SP3: variants seen among roughly 807,000 people sequenced by gnomAD.
The protein encoded by SP3 is transcription factor Sp3.
In SP3, 10 loss-of-function variants were observed where a neutral mutation model predicts 70.3. That is an observed-to-expected ratio of 0.14 (90% CI 0.09 to 0.24). The LOEUF is 0.24. SP3 is among the 10% of genes least tolerant of loss of function. The probability of loss-of-function intolerance (pLI) is 1.00; values close to 1 mark genes in which losing one functional copy is unlikely to be tolerated. For synonymous variants in SP3, 402 were observed against 333.5 expected (o/e 1.21, Z -2.24); for missense variants, 825 against 914.6 (o/e 0.90, Z 1.26).
chr2:173,955,482 C>G lies in SP3; in HGVS notation c.1030G>C (p.Asp344His). Reference sequence around the variant, plus strand: ...TTTTGTTGTAATATACCTGTACTATCTATCGTAACAGGCAACTGTGATGAA... The same window carrying G: ...TTTTGTTGTAATATACCTGTACTATGTATCGTAACAGGCAACTGTGATGAA... ...SSSSQLPVTIDSTGILQQNTN... is the reference protein window; with the variant it reads ...SSSSQLPVTIHSTGILQQNTN... The change falls in exon 4 of 7, where the codon GAT (aspartate) becomes CAT (histidine). Residue 344 changes from aspartate to histidine, a missense_variant. Transcript: ENST00000310015. 1 of 1,614,096 alleles carries G rather than the reference C, an allele frequency of 6.2e-7. No homozygotes were observed. The highest frequency in any genetic ancestry group is 8.5e-7 in the Non-Finnish European group (1 of 1,180,016).
At chr2:173,965,084 G>A in intron 1 of SP3, 81 bp downstream of exon 1, 2 of 1,527,800 alleles carry the variant, frequency 1.3e-6, no homozygotes, top group South Asian at 1.2e-5. Context: ...CGAGACCGGC[G>A]GCAGCGGCCC....
chr2:173,933,638 T>TATATATATA (rs71405167), intron 4 of SP3, among the ~76,000 whole-genome samples: 4 of 86,564 alleles, frequency 4.6e-5, no homozygotes, highest in African/African-American at 1.2e-4. Flanking sequence ...TTATAAAACT[T>TATATATATA]TATATATATA....
chr2:173,930,213 C>T (rs1194117295), intron 4 of SP3, among the ~76,000 whole-genome samples: 1 of 152,148 alleles, frequency 6.6e-6, no homozygotes, highest in Non-Finnish European at 1.5e-5. Flanking sequence ...CTGGATCCTA[C>T]CAAAAGGATG....
intron 3 of SP3, among the ~76,000 whole-genome samples, chr2:173,959,457 G>A (rs1690992507): frequency 1.3e-5 from 2 of 152,196 alleles, no homozygotes; most frequent in Non-Finnish European, 2.9e-5. Context: ...CAGGGCCGGT[G>A]GCTCACGCCT....
At chr2:173,925,580 A>G (rs148175674) in intron 4 of SP3, among the ~76,000 whole-genome samples, 1 of 152,160 alleles carries the variant, frequency 6.6e-6, no homozygotes, top group African/African-American at 2.4e-5. Flanking sequence ...GTTTTTTACA[A>G]TTTTTTTAAA....
intron 5 of SP3, 50 bp from the exon 6 acceptor site, chr2:173,913,316 G>C (rs1459163946): frequency 2.3e-6 from 3 of 1,285,794 alleles, no homozygotes; most frequent in Non-Finnish European, 3.1e-6. Flanking sequence ...ATATTCAAAT[G>C]GACATTACCA....
chr2:173,941,455 A>G (rs1690371268), intron 4 of SP3, among the ~76,000 whole-genome samples: 1 of 152,174 alleles, frequency 6.6e-6, no homozygotes, highest in African/African-American at 2.4e-5. Flanking sequence ...TAAAAATTAC[A>G]AAAAATTAGC....
Position 173,955,427 on chromosome 2 carries a change from T to A in SP3, c.1085A>T (p.Gln362Leu). Residue 362 changes from glutamine to leucine, a missense_variant, in exon 4 of 7, where the codon CAG (glutamine) becomes CTG (leucine). Physicochemically the swap from Gln to Leu is moderately radical, Grantham distance 113. Around this residue, in one of 4 missense-constraint regions of SP3, gnomAD observed 678 missense variants for 651.6 expected, o/e 1.04. Coordinates refer to ENST00000310015, the MANE Select transcript of SP3 (RefSeq NM_003111.5). ...TCCCTGAAGATCTGAAGAATGAACC[T>A]GCCCACTAGATGTAGTCAAGCTATT... The part of the protein sequence containing the change: ...NTNSLTTSSG[Q>L]VHSSDLQGNY... The A allele has an allele frequency of 6.2e-7, 1 of 1,614,174 alleles. No homozygotes were observed. The highest frequency in any genetic ancestry group is 8.5e-7 in the Non-Finnish European group (1 of 1,180,030).
At position 173,903,886 on chromosome 2, in the gene SP3, T is replaced by C. The variant is rs956576665; in HGVS notation, c.*6055A>G. Among the ~76,000 whole-genome samples, 1 of 151,908 alleles carries C rather than the reference T, an allele frequency of 6.6e-6. No individual in the cohort carries two copies. Among genetic ancestry groups the C allele is most frequent in the Non-Finnish European group, 1.5e-5 (1 of 67,998 alleles). On this transcript the variant is annotated 3_prime_UTR_variant, in exon 7 of 7. Coordinates refer to ENST00000310015, the MANE Select transcript of SP3 (RefSeq NM_003111.5). The stretch of plus-strand genomic sequence containing the variant: ...CTGCCTTGTCTAAACCTGACTCACT[T>C]GGCAGGCAATAAACGTGACTTTTTG...
intron 4 of SP3, among the ~76,000 whole-genome samples, chr2:173,930,242 A>C (rs4972621): frequency 0.036 from 5,445 of 152,230 alleles, 163 homozygotes; most frequent in Admixed American, 0.1. Flanking sequence ...TTATCTACTC[A>C]AAAGCCTTTT....
intron 4 of SP3, among the ~76,000 whole-genome samples, chr2:173,925,196 C>G (rs1689876607): frequency 1.3e-5 from 2 of 152,208 alleles, no homozygotes; most frequent in Non-Finnish European, 2.9e-5. Flanking sequence ...CCACGCTCAG[C>G]CACATATGCT....
chr2:173,907,471 C>A lies in SP3; in HGVS notation c.*2470G>T, dbSNP rs997803912. The A allele has an allele frequency of 3.3e-5, 5 of 151,996 alleles. No individual in the cohort carries two copies. The highest frequency in any genetic ancestry group is 5.9e-5 in the Non-Finnish European group (4 of 67,938). The allele number at this position is 151,996 out of a possible 1,614,324, so 9.4% of individuals were successfully genotyped here. Reference sequence around the variant, plus strand: ...ACTTTGGTAAAAGTTCCAAAGTTCACTAATATATTCCTAGGGGGCACTAAA... The same window carrying A: ...ACTTTGGTAAAAGTTCCAAAGTTCAATAATATATTCCTAGGGGGCACTAAA... On this transcript the variant is annotated 3_prime_UTR_variant, in exon 7 of 7. Transcript: ENST00000310015.
chr2:173,921,796 T>A (rs150443021), intron 4 of SP3, among the ~76,000 whole-genome samples: 4 of 152,252 alleles, frequency 2.6e-5, no homozygotes, highest in African/African-American at 9.6e-5. Flanking sequence ...TAGGAGGTGA[T>A]TGGATCATGG....
intron 4 of SP3, among the ~76,000 whole-genome samples, chr2:173,919,355 G>A (rs1689688004): frequency 6.6e-6 from 1 of 152,172 alleles, no homozygotes; most frequent in South Asian, 2.1e-4. Context: ...AATTAATGTA[G>A]TAAGCCCTAA....
intron 4 of SP3, 78 bp downstream of exon 4, chr2:173,954,795 T>TA: frequency 7.5e-7 from 1 of 1,340,920 alleles, no homozygotes; most frequent in South Asian, 1.4e-5. Context: ...CTGATGCTGA[T>TA]AAATACCTAA....
rs1002585480 is a variant in SP3, at chr2:173,918,885, T to C, written c.1640-100A>G. The C allele has an allele frequency of 1.5e-5, 15 of 1,001,568 alleles. No individual in the cohort carries two copies. In the South Asian group the frequency reaches 2.2e-4, roughly 15 times the overall value. The allele number at this position is 1,001,568 out of a possible 1,614,324, so 62.0% of individuals were successfully genotyped here. A position where few individuals can be genotyped will look rare whatever the true frequency, so the allele number is the denominator to read the frequency against. On this transcript the variant is annotated intron_variant, in intron 4 of 6. Coordinates refer to ENST00000310015, the MANE Select transcript of SP3 (RefSeq NM_003111.5). ...CTTCTCCCAATGTTACAACTTTGCA[T>C]GCACTACTTCTCTTGCCTAGACTGT...
intron 2 of SP3, 37 bp from the exon 3 acceptor site, chr2:173,963,920 G>A (rs765766686): frequency 1.9e-5 from 27 of 1,398,254 alleles, no homozygotes; most frequent in Admixed American, 1.3e-4. Flanking sequence ...GGGAGACAGG[G>A]GGAGGGGGTG....
chr2:173,919,456 T>A (rs1275521439), intron 4 of SP3, among the ~76,000 whole-genome samples: 2 of 152,200 alleles, frequency 1.3e-5, no homozygotes, highest in Non-Finnish European at 2.9e-5. Flanking sequence ...CCTTGGTATC[T>A]CAGTATAGAT....
At chr2:173,913,390 G>C (rs1335465526) in intron 5 of SP3, 124 bp from the exon 6 acceptor site, 2 of 688,366 alleles carry the variant, frequency 2.9e-6, no homozygotes, top group Non-Finnish European at 2.1e-6. Context: ...AAGTCAATCA[G>C]AAACCAAAAC....
Sources: gnomAD v4.1 joint callset for allele counts (sites outside exome capture counted in the v4.1 genomes callset) on GRCh38, gnomAD v4.1.1 for gene constraint, gnomAD v4.1.1 regional missense constraint, MANE v1.5 for transcripts, NCBI Gene and HGNC (gene_info 2026-07-23, HGNC 2026-07-21) for gene names.